Variants in ZNF565 observed in about 807,000 individuals in gnomAD.
ZNF565 encodes zinc finger protein 565.
A neutral mutation model predicts 39.4 loss-of-function variants in ZNF565; 27 were observed. The ratio of observed to expected loss-of-function variants is 0.69; its 90% CI spans 0.51 to 0.95. The LOEUF is 0.95. Ranked by LOEUF, ZNF565 falls within the 40% of genes least tolerant of loss-of-function variation. The pLI is 0.00. For synonymous variants in ZNF565, 185 were observed against 216.6 expected, an observed-to-expected ratio of 0.85 and a Z score of 1.28; for missense variants, 524 against 621.1, an observed-to-expected ratio of 0.84 and a Z score of 1.66.
chr19:36,213,568 TAG>T (rs1409662025), intron 1 of ZNF565, among the ~76,000 whole-genome samples: 1 of 152,110 alleles, frequency 6.6e-6, no homozygotes, highest in African/African-American at 2.4e-5. Flanking sequence ...GTATTTTTAG[TAG>T]AGACAGGGTT....
In ZNF565 at chr19:36,202,003, G is replaced by A; in HGVS notation, c.-18C>T. On this transcript the variant is annotated 5_prime_UTR_variant, in exon 2 of 5. Transcript: ENST00000304116. ...TGGGCCATGGCTTTTAGAACTATTTGACCTGCTCTGATTTCTCTGGATTCT... is the reference window on the plus strand; with the variant it reads ...TGGGCCATGGCTTTTAGAACTATTTAACCTGCTCTGATTTCTCTGGATTCT... 6.2e-7 allele frequency: 1 copy of A among 1,614,050 alleles called. No homozygotes were observed.
intron 1 of ZNF565, among the ~76,000 whole-genome samples, chr19:36,222,867 G>GTATTTTAATTTTAATTTA (rs1375367589): frequency 1.5e-5 from 2 of 137,390 alleles, no homozygotes; most frequent in Non-Finnish European, 3.3e-5. Context: ...AGAAATAAGA[G>GTATTTTAATTTTAATTTA]GTTTTGTTTT....
intron 1 of ZNF565, among the ~76,000 whole-genome samples, chr19:36,213,699 T>C (rs1262474195): frequency 1.3e-5 from 2 of 149,794 alleles, no homozygotes; most frequent in African/African-American, 4.9e-5. Flanking sequence ...ATTTTTTTTT[T>C]TTTTTTTTGT....
chr19:36,239,017 G>A (rs1184763620), intron 1 of ZNF565, among the ~76,000 whole-genome samples: 1 of 152,182 alleles, frequency 6.6e-6, no homozygotes, highest in Non-Finnish European at 1.5e-5. Flanking sequence ...AGGTGGAACA[G>A]TTTCATCCTG....
At chr19:36,222,050 C>T (rs13345802) in intron 1 of ZNF565, among the ~76,000 whole-genome samples, 5,998 of 151,630 alleles carry the variant, frequency 0.04, 367 homozygotes, top group African/African-American at 0.14. Flanking sequence ...CTGCCTCAGC[C>T]GCCTGTGTAG....
At chr19:36,220,641 C>T (rs1025293452) in intron 1 of ZNF565, among the ~76,000 whole-genome samples, 7 of 152,146 alleles carry the variant, frequency 4.6e-5, no homozygotes, top group African/African-American at 1.7e-4. Flanking sequence ...GCTGGGATTA[C>T]AGGCGTGAGC....
chr19:36,227,462 C>T (rs2050402682), intron 1 of ZNF565, among the ~76,000 whole-genome samples: 1 of 150,978 alleles, frequency 6.6e-6, no homozygotes, highest in Non-Finnish European at 1.5e-5. Flanking sequence ...CATGTATTTG[C>T]AGCCTGGAAG....
intron 1 of ZNF565, among the ~76,000 whole-genome samples, chr19:36,239,368 A>G (rs1045025750): frequency 6.7e-6 from 1 of 149,194 alleles, no homozygotes; most frequent in African/African-American, 2.5e-5. Context: ...TGCCCAGGCC[A>G]GAATACCATG....
At chr19:36,216,945 G>A (rs1160720713), upstream of ZNF565, among the ~76,000 whole-genome samples, 2 of 151,716 alleles carry the variant, frequency 1.3e-5, no homozygotes, top group African/African-American at 4.8e-5. Flanking sequence ...CGTAGTCCTA[G>A]CTGCTTGGGA....
intron 4 of ZNF565, among the ~76,000 whole-genome samples, chr19:36,190,573 T>C (rs1337921530): frequency 1.5e-5 from 2 of 133,386 alleles, no homozygotes; most frequent in African/African-American, 2.9e-5. Context: ...CGAAACTCCA[T>C]CTCAAAAAAA....
At chr19:36,194,174 T>G (rs1975672724) in intron 4 of ZNF565, 59 bp downstream of exon 4, 1 of 1,425,060 alleles carries the variant, frequency 7.0e-7, no homozygotes, top group Non-Finnish European at 9.6e-7. Flanking sequence ...TAACTCAAGT[T>G]ACTCCTGTCA....
At chr19:36,212,264 C>T (rs1263930965) in intron 1 of ZNF565, among the ~76,000 whole-genome samples, 1 of 152,102 alleles carries the variant, frequency 6.6e-6, no homozygotes, top group African/African-American at 2.4e-5. Flanking sequence ...ATGGTGAAAC[C>T]CTGTCTCTAC....
At chr19:36,225,775 T>TG (rs1163840557) in intron 1 of ZNF565, among the ~76,000 whole-genome samples, 1 of 146,714 alleles carries the variant, frequency 6.8e-6, no homozygotes, top group Non-Finnish European at 1.5e-5. Context: ...TTTTTTTTTT[T>TG]TTTGAGACAG....
chr19:36,183,274 G>A lies in ZNF565; in HGVS notation c.692C>T (p.Ala231Val), dbSNP rs752612407. 8 of 1,614,072 alleles carry A rather than the reference G, an allele frequency of 5.0e-6. No individual in the cohort carries two copies. The highest frequency in any genetic ancestry group is 4.4e-5 in the South Asian group (4 of 91,078). Residue 231 changes from alanine (A) to valine (V), a missense_variant, in exon 5 of 5, where the codon GCC becomes GTC. Physicochemically the swap from Ala to Val is moderately conservative, Grantham distance 64. Coordinates refer to ENST00000304116, the MANE Select transcript of ZNF565 (RefSeq NM_152477.5). ...KPYDCKDCGKAFGRTSELILH... is the reference protein window; with the variant it reads ...KPYDCKDCGKVFGRTSELILH... ...AATAAGTTCTGATGTACGACCAAAG[G>A]CCTTCCCACAGTCCTTACAGTCATA...
chr19:36,245,458 G>A lies in ZNF565; in HGVS notation c.55+18C>T. 1.4e-6 allele frequency: 1 copy of A among 702,242 alleles called. No individual in the cohort carries two copies. Among genetic ancestry groups the A allele is most frequent in the East Asian group, 2.7e-5 (1 of 37,284 alleles). The allele number at this position is 702,242 out of a possible 1,614,324, so 43.5% of individuals were successfully genotyped here. The stretch of plus-strand genomic sequence containing the variant: ...CGGATCACATTTCCCGTGGTCCACC[G>A]CGCATCTAGGAGGTTACCTGCGTCC... On this transcript the variant is annotated intron_variant, in intron 1 of 4. Coordinates refer to the ZNF565 transcript ENST00000355114. This position sits in a 1 kb window ranked among gnomAD's most constrained non-coding sequence, Gnocchi z 4.4.
chr19:36,191,286 T>TA (rs1275316264), intron 4 of ZNF565, among the ~76,000 whole-genome samples: 1 of 150,768 alleles, frequency 6.6e-6, no homozygotes, highest in Admixed American at 6.6e-5. Flanking sequence ...AGTTCAAAGA[T>TA]ATGATCGATT....
At chr19:36,188,382 A>G (rs868762904) in intron 4 of ZNF565, among the ~76,000 whole-genome samples, 43 of 142,504 alleles carry the variant, frequency 3.0e-4, no homozygotes, top group African/African-American at 1.1e-3. Context: ...GAGAGAGAGA[A>G]AAAAAAATTA....
At chr19:36,199,858 G>A (rs529017104) in intron 2 of ZNF565, among the ~76,000 whole-genome samples, 5 of 151,588 alleles carry the variant, frequency 3.3e-5, no homozygotes, top group African/African-American at 4.8e-5. Flanking sequence ...TTGTAGAGAC[G>A]GGGTCTCACC....
At chr19:36,216,550 G>GCGGAGGCTAAGGCAGGAAAAT (rs1976613705), upstream of ZNF565, among the ~76,000 whole-genome samples, 1 of 151,270 alleles carries the variant, frequency 6.6e-6, no homozygotes, top group Admixed American at 6.6e-5. Context: ...CTGAGCTACC[G>GCGGAGGCTAAGGCAGGAAAAT]CGGAGGCTGA....
Sources: gnomAD v4.1 joint callset for allele counts (sites outside exome capture counted in the v4.1 genomes callset) on GRCh38, gnomAD v4.1.1 for gene constraint, Gnocchi (gnomAD v3.1) non-coding constraint, MANE v1.5 for transcripts, NCBI Gene and HGNC (gene_info 2026-07-23, HGNC 2026-07-21) for gene names.